The following SLC16A5 variants were observed in gnomAD, a reference collection of about 807,000 sequenced individuals.
SLC16A5 encodes the protein solute carrier family 16 member 5, also known as monocarboxylate transporter 6.
Under a neutral mutation model 33.2 loss-of-function variants are expected in SLC16A5, and 29 were observed. The ratio of observed to expected loss-of-function variants is 0.87; its 90% confidence interval spans 0.65 to 1.19. The LOEUF is 1.19. Ranked by LOEUF, SLC16A5 falls within the 50% of genes most tolerant of loss-of-function variation. The pLI, the probability that SLC16A5 is intolerant of heterozygous loss-of-function variation, is 0.00. For missense variants in SLC16A5, 606 were observed against 678.2 expected (o/e 0.89, Z 1.18); for synonymous variants, 248 against 284.1 (o/e 0.87, Z 1.28).
chr17:75,095,807 G>A (rs35653543), intron 3 of SLC16A5, among the ~76,000 whole-genome samples: 12,538 of 149,920 alleles, frequency 0.084, 851 homozygotes, highest in African/African-American at 0.17. Context: ...CTACAGGTGC[G>A]CACCACCATG....
rs1337185233 is a variant in SLC16A5 at position 75,106,077 on chromosome 17, A to C, written c.*44A>C. ...CCACTATCTGCCATGTGAGTTGGGCAAATTGTTGACCACCTCTGAGCCTTG... is the reference window on the plus strand; with the variant it reads ...CCACTATCTGCCATGTGAGTTGGGCCAATTGTTGACCACCTCTGAGCCTTG... On this transcript the variant is annotated 3_prime_UTR_variant, in exon 7 of 7. Coordinates refer to ENST00000329783, the MANE Select transcript of SLC16A5 (RefSeq NM_004695.4). The C allele has an allele frequency of 3.9e-6, 4 of 1,038,642 alleles. No individual in the cohort carries two copies. Among genetic ancestry groups the C allele is most frequent in the Admixed American group, 4.5e-5 (2 of 44,006 alleles). The allele number at this position is 1,038,642 out of a possible 1,614,324, so 64.3% of individuals were successfully genotyped here. A position where few individuals can be genotyped will look rare whatever the true frequency, so the allele number is the denominator to read the frequency against.
chr17:75,100,835 G>C lies in SLC16A5; in HGVS notation c.1153+19G>C. ...CTGGCCGGTGAGGAGCTGGGAGGGA[G>C]GGCAGCCAGATAGTGTGGTAAAAGG... On this transcript the variant is annotated intron_variant, in intron 5 of 6. Transcript: ENST00000329783. 1 of 1,552,028 alleles carries C rather than the reference G, an allele frequency of 6.4e-7. No homozygotes were observed. Among genetic ancestry groups the C allele is most frequent in the Non-Finnish European group, 8.7e-7 (1 of 1,144,158 alleles).
intron 2 of SLC16A5, chr17:75,093,349 C>A: frequency 6.7e-7 from 1 of 1,492,432 alleles, no homozygotes; most frequent in Non-Finnish European, 9.0e-7. Context: ...CCTCCTATCC[C>A]TCCTGTCCCT....
intron 5 of SLC16A5, among the ~76,000 whole-genome samples, chr17:75,103,545 G>A (rs964964066): frequency 6.6e-6 from 1 of 151,008 alleles, no homozygotes; most frequent in South Asian, 2.1e-4. Flanking sequence ...GGCCAGGCTG[G>A]TCTTGAACTC....
At chr17:75,093,321 G>C in intron 2 of SLC16A5, 1 of 1,272,994 alleles carries the variant, frequency 7.9e-7, no homozygotes, top group South Asian at 1.3e-5. Context: ...GGTGCCACCT[G>C]CCCTGCCCCG....
At chr17:75,110,044 C>G (rs1469049530), downstream of SLC16A5, 1 of 497,714 alleles carries the variant, frequency 2.0e-6, no homozygotes, top group Admixed American at 3.8e-5. Flanking sequence ...GGTTCCCTGT[C>G]TCCCGCGCCC....
intron 3 of SLC16A5, 102 bp from the exon 4 acceptor site, chr17:75,097,936 C>G: frequency 7.2e-7 from 1 of 1,390,828 alleles, no homozygotes. Flanking sequence ...GCCCTTGAAA[C>G]CACCTGGCTA....
chr17:75,092,020 G>A (rs894790093), intron 2 of SLC16A5, among the ~76,000 whole-genome samples: 3 of 89,428 alleles, frequency 3.4e-5, no homozygotes, highest in African/African-American at 1.3e-4. Flanking sequence ...AGCCAAAGAT[G>A]TGAGGGGGGT....
In SLC16A5 at chr17:75,093,685, C is replaced by A; in HGVS notation, c.49C>A (p.Leu17Met). 1 of 1,614,000 alleles carries A rather than the reference C, an allele frequency of 6.2e-7. No homozygotes were observed. The highest frequency in any genetic ancestry group is 2.2e-5 in the East Asian group (1 of 44,884). Residue 17 changes from leucine (L) to methionine (M), a missense_variant, in exon 3 of 7, where the codon CTG (leucine) becomes ATG (methionine). Coordinates refer to ENST00000329783, the MANE Select transcript of SLC16A5 (RefSeq NM_004695.4). ...RADGSWAWVV[L>M]LATMVTQGLT... ...AGATGGCAGCTGGGCCTGGGTGGTG[C>A]TGCTGGCCACCATGGTGACCCAGGG...
At chr17:75,104,269 G>C (rs1297483451) in intron 6 of SLC16A5, 89 bp downstream of exon 6, 2 of 1,540,876 alleles carry the variant, frequency 1.3e-6, no homozygotes. Context: ...TCTCAGCCCA[G>C]CCCAGGAGGG....
downstream of SLC16A5, among the ~76,000 whole-genome samples, chr17:75,109,000 A>G (rs1014260298): frequency 2.0e-5 from 3 of 152,084 alleles, no homozygotes; most frequent in African/African-American, 7.2e-5. Context: ...TAGATTAACA[A>G]CTTTTGCACT....
downstream of SLC16A5, among the ~76,000 whole-genome samples, chr17:75,109,537 G>T (rs1006914415): frequency 6.6e-6 from 1 of 152,182 alleles, no homozygotes; most frequent in African/African-American, 2.4e-5. The surrounding 1 kb of genome is among the most constrained non-coding windows in gnomAD (Gnocchi z 5.0). Context: ...ACTCTGCTGC[G>T]CTCCTGAGTT....
At position 75,100,780 on chromosome 17, in the gene SLC16A5, G is replaced by A. The variant is rs771734513; in HGVS notation, c.1117G>A (p.Asp373Asn). The stretch of plus-strand genomic sequence containing the variant: ...AGCCCTGGGACTCTTCACTGTCCTG[G>A]ACGGCCTTGCTTTCCTCATCTCCCC... ...PRALGLFTVL[D>N]GLAFLISPPL... The change falls in exon 5 of 7, where the codon GAC becomes AAC. Residue 373 changes from aspartate (D) to asparagine (N), a missense_variant. Transcript: ENST00000329783. 3.7e-6 allele frequency: 6 copies of A among 1,609,524 alleles called. No individual in the cohort carries two copies. The South Asian group carries it at 4.4e-5, about 12-fold the overall frequency.
At chr17:75,089,530 G>A (rs962423311) in intron 2 of SLC16A5, among the ~76,000 whole-genome samples, 15 of 152,072 alleles carry the variant, frequency 9.9e-5, no homozygotes, top group African/African-American at 2.4e-4. Context: ...TGAGGCAGGC[G>A]GATCACTTGA....
In SLC16A5 at chr17:75,100,425, G is replaced by A. The variant is rs979585714; in HGVS notation, c.762G>A (p.Leu254=). 6 of 1,614,134 alleles carry A rather than the reference G, an allele frequency of 3.7e-6. No individual in the cohort carries two copies. Residue 254 remains leucine (L), a synonymous_variant, in exon 5 of 7, where the codon CTG becomes CTA. Transcript: ENST00000329783. ...GVMWSVLGFP[L]PQVFLVPYAM... Reference sequence around the variant, plus strand: ...TGTGGTCCGTCCTGGGCTTCCCACTGCCACAAGTCTTCCTGGTGCCATATG... The same window carrying A: ...TGTGGTCCGTCCTGGGCTTCCCACTACCACAAGTCTTCCTGGTGCCATATG...
intron 5 of SLC16A5, among the ~76,000 whole-genome samples, chr17:75,102,011 G>A (rs919724616): frequency 6.6e-6 from 1 of 152,128 alleles, no homozygotes; most frequent in Non-Finnish European, 1.5e-5. Flanking sequence ...AGAGTCTGGT[G>A]TGCAGTCAGC....
At chr17:75,102,141 C>T (rs2073808153) in intron 5 of SLC16A5, among the ~76,000 whole-genome samples, 1 of 152,124 alleles carries the variant, frequency 6.6e-6, no homozygotes, top group African/African-American at 2.4e-5. Context: ...GACGAGAGCA[C>T]CTGCCCTAAT....
chr17:75,097,939 C>T (rs1276994506), intron 3 of SLC16A5, 99 bp from the exon 4 acceptor site: 14 of 1,408,322 alleles, frequency 9.9e-6, no homozygotes, highest in Non-Finnish European at 1.3e-5. Context: ...CTTGAAACCA[C>T]CTGGCTAGTT....
At chr17:75,107,757 T>C (rs548591937), downstream of SLC16A5, among the ~76,000 whole-genome samples, 10 of 152,108 alleles carry the variant, frequency 6.6e-5, no homozygotes, top group Non-Finnish European at 1.3e-4. Flanking sequence ...GCTAACACGG[T>C]GAAACCTCGT....
Sources: gnomAD v4.1 joint callset for allele counts (sites outside exome capture counted in the v4.1 genomes callset) on GRCh38, gnomAD v4.1.1 for gene constraint, Gnocchi (gnomAD v3.1) non-coding constraint, MANE v1.5 for transcripts, NCBI Gene and HGNC (gene_info 2026-07-23, HGNC 2026-07-21) for gene names.